The following AUTS2 variants were observed in gnomAD, a reference collection of about 807,000 sequenced individuals.
The protein encoded by AUTS2 is autism susceptibility gene 2 protein.
In AUTS2, 17 loss-of-function variants were observed where a neutral mutation model predicts 112.4. That is an observed-to-expected ratio of 0.15 (90% CI 0.10 to 0.23). AUTS2 has a LOEUF of 0.23. AUTS2 is among the 10% of genes least tolerant of loss of function. AUTS2 has a pLI of 1.00. For synonymous variants in AUTS2, 751 were observed against 702.7 expected (o/e 1.07, Z -1.09); for missense variants, 1,510 against 1,701.6 (o/e 0.89, Z 1.98).
At chr7:70,590,619 C>T (rs929057658) in intron 5 of AUTS2, among the ~76,000 whole-genome samples, 4 of 152,024 alleles carry the variant, frequency 2.6e-5, no homozygotes, top group African/African-American at 7.3e-5. Context: ...ATTTTATGAC[C>T]GAAAAGAAAC....
chr7:70,247,837 G>A (rs963309044), intron 4 of AUTS2, among the ~76,000 whole-genome samples: 1 of 152,136 alleles, frequency 6.6e-6, no homozygotes, highest in Admixed American at 6.5e-5. Flanking sequence ...GAAGCGCTTA[G>A]AATGTTTCCC....
At chr7:70,116,084 G>T (rs1199836615) in intron 2 of AUTS2, among the ~76,000 whole-genome samples, 1 of 152,148 alleles carries the variant, frequency 6.6e-6, no homozygotes, top group Non-Finnish European at 1.5e-5. Context: ...AATATTCTGA[G>T]CTTTTATTCC....
intron 1 of AUTS2, among the ~76,000 whole-genome samples, chr7:69,643,105 G>T (rs1250838528): frequency 6.6e-6 from 1 of 152,168 alleles, no homozygotes; most frequent in Admixed American, 6.5e-5. Context: ...TAATGTTTTT[G>T]CTGGCTAGGG....
intron 5 of AUTS2, among the ~76,000 whole-genome samples, chr7:70,579,308 C>T (rs1802330057): frequency 7.3e-6 from 1 of 136,300 alleles, no homozygotes; most frequent in Admixed American, 7.9e-5. Context: ...GGCAGCTTTG[C>T]TATCTCAGTA....
chr7:70,781,947 AAGG>A, intron 15 of AUTS2, 191 bp downstream of exon 15: 1 of 653,376 alleles, frequency 1.5e-6, no homozygotes, highest in Non-Finnish European at 2.5e-6. Flanking sequence ...TCTTTCATTA[AAGG>A]AGGAGGCAGA....
intron 4 of AUTS2, among the ~76,000 whole-genome samples, chr7:70,327,173 A>G (rs1359834076): frequency 6.6e-6 from 1 of 152,104 alleles, no homozygotes; most frequent in Non-Finnish European, 1.5e-5. Context: ...CCGCCTTGGC[A>G]TCCCAAAGTG....
At chr7:70,082,691 G>T (rs573091457) in intron 2 of AUTS2, among the ~76,000 whole-genome samples, 1 of 152,268 alleles carries the variant, frequency 6.6e-6, no homozygotes, top group African/African-American at 2.4e-5. Context: ...TTAACTAGCT[G>T]CAGACTGACT....
intron 2 of AUTS2, among the ~76,000 whole-genome samples, chr7:69,962,714 A>ATG (rs528545629): frequency 1.1e-3 from 168 of 150,172 alleles, no homozygotes; most frequent in South Asian, 2.1e-3. Context: ...ATGTATGTGT[A>ATG]TGTGTGTGTG....
chr7:69,888,502 C>A, intron 1 of AUTS2, among the ~76,000 whole-genome samples: 2 of 136,912 alleles, frequency 1.5e-5, no homozygotes, highest in African/African-American at 2.8e-5. Context: ...ATCCCATGAC[C>A]CAAATAGCTC....
At chr7:70,743,953 A>G (rs1014917281) in intron 6 of AUTS2, among the ~76,000 whole-genome samples, 4 of 152,124 alleles carry the variant, frequency 2.6e-5, no homozygotes, top group African/African-American at 9.7e-5. Flanking sequence ...AGGGGTGGTT[A>G]AAGTGTGGAT....
chr7:70,465,455 G>T (rs1797134757), intron 5 of AUTS2, among the ~76,000 whole-genome samples: 1 of 152,172 alleles, frequency 6.6e-6, no homozygotes, highest in African/African-American at 2.4e-5. Flanking sequence ...TGTGAGGACA[G>T]GTAAAATCCT....
intron 1 of AUTS2, among the ~76,000 whole-genome samples, chr7:69,601,004 G>A (rs1345376568): frequency 6.6e-6 from 1 of 152,002 alleles, no homozygotes; most frequent in Non-Finnish European, 1.5e-5. Context: ...GAAAAGGGAG[G>A]GAGGGGGAGA....
In AUTS2 at chr7:69,886,488, A is replaced by G. The variant is rs112940028; in HGVS notation, c.310-12798A>G. Among the ~76,000 whole-genome samples, 63 of 152,358 alleles carry G rather than the reference A, an allele frequency of 4.1e-4. 5 individuals carry two copies. The highest frequency in any genetic ancestry group is 1.4e-3 in the African/African-American group (59 of 41,580). On this transcript the variant is annotated intron_variant, in intron 1 of 18. Transcript: ENST00000342771. ...TAAAACTGCGTTTATATTCAGAGCC[A>G]CATAACACAAATTTTGCCAGAAGTT... is the stretch of plus-strand genomic sequence containing the variant.
rs115250379 is a variant in AUTS2 at position 70,631,470 on chromosome 7, T to A, written c.691-67099T>A. ...CAATGGGCCGTTCAGGTTAGGGAGT[T>A]CCGAGACTCTCCATGATTTCTGAAC... On this transcript the variant is annotated intron_variant, in intron 5 of 18. Coordinates refer to ENST00000342771, the MANE Select transcript of AUTS2 (RefSeq NM_015570.4). This position sits in a 1 kb window ranked among gnomAD's most constrained non-coding sequence, Gnocchi z 4.5. 8.3e-3 allele frequency among the ~76,000 whole-genome samples: 1,270 copies of A among 152,156 alleles called. 22 individuals are homozygous for A. Among genetic ancestry groups the A allele is most frequent in the African/African-American group, 0.029 (1,198 of 41,512 alleles).
chr7:70,633,079 G>A (rs1246240714), intron 5 of AUTS2, among the ~76,000 whole-genome samples: 1 of 152,206 alleles, frequency 6.6e-6, no homozygotes, highest in African/African-American at 2.4e-5. Context: ...CCATGGGGTA[G>A]AGGGCAAGAC....
intron 1 of AUTS2, among the ~76,000 whole-genome samples, chr7:69,643,789 C>G (rs193055654): frequency 1.3e-5 from 2 of 152,082 alleles, no homozygotes; most frequent in Non-Finnish European, 2.9e-5. Flanking sequence ...CCCCCAAATT[C>G]GTATGTTGAA....
chr7:70,000,454 C>A (rs1460331842), intron 2 of AUTS2, among the ~76,000 whole-genome samples: 1 of 152,148 alleles, frequency 6.6e-6, no homozygotes, highest in African/African-American at 2.4e-5. Context: ...TAAATTCAGT[C>A]ACAAAACTGA....
intron 1 of AUTS2, among the ~76,000 whole-genome samples, chr7:69,772,953 T>G (rs1324432716): frequency 6.6e-6 from 1 of 152,212 alleles, no homozygotes; most frequent in Non-Finnish European, 1.5e-5. Flanking sequence ...TGTATTTGAA[T>G]AAGTTTAAAA....
intron 5 of AUTS2, among the ~76,000 whole-genome samples, chr7:70,496,672 T>C (rs1246229699): frequency 8.5e-6 from 1 of 117,656 alleles, no homozygotes; most frequent in Non-Finnish European, 1.7e-5. Context: ...TCAGCATCGA[T>C]CACACACCCC....
Sources: allele counts gnomAD v4.1 joint callset (sites outside exome capture counted in the v4.1 genomes callset), GRCh38; gene constraint gnomAD v4.1.1; non-coding constraint Gnocchi (gnomAD v3.1); transcripts MANE v1.5; gene names NCBI Gene and HGNC (gene_info 2026-07-23, HGNC 2026-07-21).